The following ARID1B variants were observed in gnomAD, a reference collection of about 807,000 sequenced individuals.
The protein encoded by ARID1B is AT-rich interaction domain 1B, also known as AT-rich interactive domain-containing protein 1B.
Under a neutral mutation model 212.3 loss-of-function variants are expected in ARID1B, and 30 were observed. That is an observed-to-expected ratio of 0.14 (90% confidence interval 0.11 to 0.19). The LOEUF is 0.19. Ranked by LOEUF, ARID1B falls within the 10% of genes least tolerant of loss-of-function variation. The pLI is 1.00. For synonymous variants in ARID1B, 1,402 were observed against 1,301.7 expected, an observed-to-expected ratio of 1.08 and a Z score of -1.66; for missense variants, 2,891 against 3,204.0, an observed-to-expected ratio of 0.90 and a Z score of 2.36.
At chr6:156,995,025 C>T (rs1273657044) in intron 4 of ARID1B, among the ~76,000 whole-genome samples, 1 of 152,176 alleles carries the variant, frequency 6.6e-6, no homozygotes, top group Non-Finnish European at 1.5e-5. Context: ...TTTGCAGGGG[C>T]CCCTCTTGCA....
intron 4 of ARID1B, among the ~76,000 whole-genome samples, chr6:157,012,786 T>C (rs1272969262): frequency 6.6e-6 from 1 of 152,236 alleles, no homozygotes; most frequent in African/African-American, 2.4e-5. Flanking sequence ...ATACTGCAGA[T>C]TAACAATGAA....
intron 2 of ARID1B, among the ~76,000 whole-genome samples, chr6:156,899,148 G>T (rs761358651): frequency 1.3e-5 from 2 of 152,204 alleles, no homozygotes; most frequent in Admixed American, 6.5e-5. Context: ...ACTGGGCAGG[G>T]CATCTATATG....
chr6:157,013,401 G>A (rs557345836), intron 4 of ARID1B, among the ~76,000 whole-genome samples: 9 of 152,320 alleles, frequency 5.9e-5, no homozygotes, highest in South Asian at 2.1e-4. Flanking sequence ...ATGGAGTGAT[G>A]GCAGGAAAAG....
At chr6:157,082,919 G>A (rs1017316359) in intron 4 of ARID1B, among the ~76,000 whole-genome samples, 3 of 152,272 alleles carry the variant, frequency 2.0e-5, no homozygotes, top group South Asian at 4.1e-4. Flanking sequence ...ATTAGGTTCT[G>A]TCAGGTATAC....
At position 156,784,578 on chromosome 6, in the gene ARID1B, G is replaced by A. The variant is rs369997146; in HGVS notation, c.1791+5107G>A. On this transcript the variant is annotated intron_variant, in intron 1 of 19. Coordinates refer to ENST00000636930, the MANE Select transcript of ARID1B (RefSeq NM_001374828.1). ...GTATTCATTTGTTTTTCCTTATACT[G>A]ACATCTGAATGAATGGAATGATAGA... Among the ~76,000 whole-genome samples, 43 of 152,164 alleles carry A rather than the reference G, an allele frequency of 2.8e-4. No individual in the cohort carries two copies. In the South Asian group the frequency reaches 8.7e-3, roughly 31 times the overall value.
chr6:157,029,933 C>G (rs1277180201), intron 4 of ARID1B, among the ~76,000 whole-genome samples: 1 of 152,174 alleles, frequency 6.6e-6, no homozygotes, highest in Non-Finnish European at 1.5e-5. Flanking sequence ...TTCAGAACTT[C>G]CTTTAGTGTC....
At chr6:156,988,214 A>T (rs1778055237) in intron 4 of ARID1B, among the ~76,000 whole-genome samples, 1 of 152,212 alleles carries the variant, frequency 6.6e-6, no homozygotes, top group African/African-American at 2.4e-5. Context: ...AGGGAGTTTA[A>T]GGGGATAGGA....
In ARID1B at chr6:156,995,890, A is replaced by G. The variant is rs796598268; in HGVS notation, c.2247+60314A>G. On this transcript the variant is annotated intron_variant, in intron 4 of 19. Coordinates refer to ENST00000636930, the MANE Select transcript of ARID1B (RefSeq NM_001374828.1). ...TTATATATTACATGGAACATATTAC[A>G]TAGGACATGTTACTCAATCTGGCAA... Among the ~76,000 whole-genome samples the G allele has an allele frequency of 1.2e-4, 19 of 152,348 alleles. 2 individuals carry two copies. Among genetic ancestry groups the G allele is most frequent in the African/African-American group, 4.6e-4 (19 of 41,584 alleles).
chr6:156,843,375 G>A (rs912560220), intron 2 of ARID1B, among the ~76,000 whole-genome samples: 3 of 152,176 alleles, frequency 2.0e-5, no homozygotes, highest in African/African-American at 7.2e-5. Flanking sequence ...CTTACTTTGA[G>A]TTTAACTCAG....
At chr6:156,809,495 T>G (rs1781412466) in intron 1 of ARID1B, among the ~76,000 whole-genome samples, 2 of 152,188 alleles carry the variant, frequency 1.3e-5, no homozygotes, top group African/African-American at 4.8e-5. Context: ...GATATCTGAT[T>G]TAGTTGGAAG....
chr6:156,882,393 A>G (rs563082947), intron 2 of ARID1B, among the ~76,000 whole-genome samples: 2 of 152,180 alleles, frequency 1.3e-5, no homozygotes, highest in African/African-American at 4.8e-5. Context: ...TGTCTTATTC[A>G]TATTTGTACC....
At chr6:157,181,550 A>C (rs927712092) in intron 12 of ARID1B, among the ~76,000 whole-genome samples, 3 of 152,238 alleles carry the variant, frequency 2.0e-5, no homozygotes, top group Admixed American at 6.5e-5. Flanking sequence ...TCTGTGTCAG[A>C]TATAAGTCAC....
intron 7 of ARID1B, among the ~76,000 whole-genome samples, chr6:157,136,018 A>C (rs1454687571): frequency 6.6e-6 from 1 of 152,214 alleles, no homozygotes; most frequent in Non-Finnish European, 1.5e-5. Context: ...TTTATATGAG[A>C]AGCTTTTCCA....
At chr6:156,874,992 C>CTG (rs2128153816) in intron 2 of ARID1B, among the ~76,000 whole-genome samples, 2 of 152,310 alleles carry the variant, frequency 1.3e-5, no homozygotes, top group African/African-American at 4.8e-5. Context: ...CCCATAGTAA[C>CTG]TGATCAGGTA....
At chr6:156,939,768 A>T (rs949065675) in intron 4 of ARID1B, 3 of 151,972 alleles carry the variant, frequency 2.0e-5, no homozygotes, top group African/African-American at 7.3e-5. Context: ...TTAGGAAAAG[A>T]AGTGGACACT....
At chr6:156,976,649 A>G (rs1364593982) in intron 4 of ARID1B, among the ~76,000 whole-genome samples, 2 of 152,092 alleles carry the variant, frequency 1.3e-5, no homozygotes, top group Non-Finnish European at 2.9e-5. Flanking sequence ...CCCTTCCACC[A>G]CGTGGAAGCT....
At chr6:156,860,587 C>T (rs924905479) in intron 2 of ARID1B, among the ~76,000 whole-genome samples, 1 of 152,058 alleles carries the variant, frequency 6.6e-6, no homozygotes, top group African/African-American at 2.4e-5. Context: ...TATCTAACAT[C>T]CATACCAAGC....
intron 5 of ARID1B, 35 bp downstream of exon 5, chr6:157,084,940 G>A (rs1238355413): frequency 1.3e-6 from 2 of 1,565,094 alleles, no homozygotes; most frequent in Admixed American, 3.8e-5. Flanking sequence ...ATTTTACTTT[G>A]TGATAAAGAG....
chr6:157,161,129 A>G (rs1225283947), intron 8 of ARID1B, among the ~76,000 whole-genome samples: 2 of 152,206 alleles, frequency 1.3e-5, no homozygotes, highest in East Asian at 1.9e-4. Context: ...TACTTATAGC[A>G]TGTCTCCCTG....
Sources: allele counts gnomAD v4.1 joint callset (sites outside exome capture counted in the v4.1 genomes callset), GRCh38; gene constraint gnomAD v4.1.1; transcripts MANE v1.5; gene names NCBI Gene and HGNC (gene_info 2026-07-23, HGNC 2026-07-21).